The following AEBP2 variants were observed in gnomAD, a reference collection of about 807,000 sequenced individuals.
AEBP2 encodes zinc finger protein AEBP2.
Under a neutral mutation model 50.8 loss-of-function variants are expected in AEBP2, and 10 were observed. That is an observed-to-expected ratio of 0.20 (90% CI 0.12 to 0.33). The LOEUF (loss-of-function observed/expected upper bound fraction) is 0.33, where lower values mean the gene tolerates loss of function less well. AEBP2 is among the 10% of genes least tolerant of loss of function. AEBP2 has a pLI of 1.00. For synonymous variants in AEBP2, 296 were observed against 261.3 expected (o/e 1.13, Z -1.28); for missense variants, 570 against 688.0 (o/e 0.83, Z 1.92).
At chr12:19,473,611 G>A (rs1255207952) in intron 3 of AEBP2, among the ~76,000 whole-genome samples, 2 of 152,012 alleles carry the variant, frequency 1.3e-5, no homozygotes, top group Non-Finnish European at 2.9e-5. Context: ...TCACCATGTT[G>A]GCCAGGATGG....
intron 3 of AEBP2, among the ~76,000 whole-genome samples, chr12:19,481,475 T>A (rs1414545532): frequency 6.6e-6 from 1 of 151,248 alleles, no homozygotes; most frequent in Non-Finnish European, 1.5e-5. Context: ...TCTTTTCTTT[T>A]CTTTTTTTTT....
chr12:19,417,774 G>A (rs1474238399), intron 1 of AEBP2, among the ~76,000 whole-genome samples: 6 of 151,134 alleles, frequency 4.0e-5, no homozygotes, highest in African/African-American at 7.3e-5. Context: ...GCACGATCTC[G>A]GCTCACTGCA....
intron 1 of AEBP2, among the ~76,000 whole-genome samples, chr12:19,432,959 A>G (rs2095752196): frequency 6.6e-6 from 1 of 152,086 alleles, no homozygotes; most frequent in African/African-American, 2.4e-5. Flanking sequence ...ATGACTCCTA[A>G]TCAAATAGCC....
rs1947900417 is a variant in AEBP2, at chr12:19,439,526, T to G, written c.-174T>G. On this transcript the variant is annotated 5_prime_UTR_variant, in exon 1 of 8. Transcript: ENST00000266508. Reference sequence around the variant, plus strand: ...GTGAGTGCGCGTAGTCGCGCGCCTGTCCCCGCGCGGGCTCCGTAGCGCGTG... The same window carrying G: ...GTGAGTGCGCGTAGTCGCGCGCCTGGCCCCGCGCGGGCTCCGTAGCGCGTG... 9.6e-6 allele frequency: 8 copies of G among 830,194 alleles called. No homozygotes were observed. The South Asian group carries it at 1.3e-4, about 14-fold the overall frequency. The allele number at this position is 830,194 out of a possible 1,614,324, so 51.4% of individuals were successfully genotyped here.
chr12:19,514,080 A>C (rs1397504563), intron 6 of AEBP2, among the ~76,000 whole-genome samples: 4 of 151,162 alleles, frequency 2.6e-5, no homozygotes, highest in African/African-American at 9.7e-5. Flanking sequence ...GCTCACTGCA[A>C]CCTCTGTCTC....
intron 7 of AEBP2, among the ~76,000 whole-genome samples, chr12:19,515,166 A>T (rs949149141): frequency 1.6e-4 from 24 of 151,954 alleles, no homozygotes; most frequent in African/African-American, 5.6e-4. Flanking sequence ...TTTTTAGCTT[A>T]CCCTTTCTCC....
At chr12:19,510,285 A>C (rs12818807) in intron 5 of AEBP2, among the ~76,000 whole-genome samples, 15,571 of 152,248 alleles carry the variant, frequency 0.1, 804 homozygotes, top group Middle Eastern at 0.15. Flanking sequence ...GGTGTAATAC[A>C]TGCTAATGTA....
At chr12:19,434,112 T>G (rs1368213380) in intron 1 of AEBP2, among the ~76,000 whole-genome samples, 1 of 151,990 alleles carries the variant, frequency 6.6e-6, no homozygotes, top group Non-Finnish European at 1.5e-5. Context: ...CCCAAAGTGC[T>G]GGGATTATAG....
At position 19,485,904 on chromosome 12, in the gene AEBP2, A is replaced by G. The variant is rs192958586; in HGVS notation, c.988-7896A>G. On this transcript the variant is annotated intron_variant, in intron 3 of 7. Transcript: ENST00000266508. ...AGTAGAAGATGAGTGGCAGGTGACT[A>G]TAGAGAGAGGAAGTGATAAGGTGAT... Among the ~76,000 whole-genome samples, 5 of 149,342 alleles carry G rather than the reference A, an allele frequency of 3.3e-5. No individual in the cohort carries two copies. In the East Asian group the frequency reaches 6.0e-4, roughly 18 times the overall value.
intron 1 of AEBP2, among the ~76,000 whole-genome samples, chr12:19,453,428 C>CT (rs1275042466): frequency 1.3e-5 from 2 of 149,374 alleles, no homozygotes; most frequent in Non-Finnish European, 1.5e-5. Context: ...TATATACTTT[C>CT]TTTTTTTTTG....
At chr12:19,503,866 C>A (rs1473438465) in intron 5 of AEBP2, among the ~76,000 whole-genome samples, 1 of 152,042 alleles carries the variant, frequency 6.6e-6, no homozygotes, top group African/African-American at 2.4e-5. Context: ...GGGTCTTACT[C>A]TGTCATCCAG....
intron 1 of AEBP2, among the ~76,000 whole-genome samples, chr12:19,419,744 A>G (rs1277593198): frequency 6.6e-6 from 1 of 152,088 alleles, no homozygotes; most frequent in East Asian, 1.9e-4. Context: ...AGACTGGCCA[A>G]CATGGCGAAA....
intron 3 of AEBP2, 123 bp from the exon 4 acceptor site, chr12:19,493,677 T>G: frequency 1.1e-6 from 1 of 932,190 alleles, no homozygotes; most frequent in Non-Finnish European, 1.6e-6. Context: ...TATGCTTCCT[T>G]TCTGGAATTA....
Position 19,439,689 on chromosome 12 carries a change from C to T in AEBP2, c.-11C>T, listed in dbSNP as rs1243634608. The T allele has an allele frequency of 7.0e-7, 1 of 1,438,130 alleles. No individual in the cohort carries two copies. The highest frequency in any genetic ancestry group is 2.2e-5 in the Admixed American group (1 of 45,220). 89.1% of individuals were successfully genotyped at this position (1,438,130 alleles called of 1,614,324 possible). On this transcript the variant is annotated 5_prime_UTR_variant, in exon 1 of 8. Coordinates refer to ENST00000266508, the MANE Select transcript of AEBP2 (RefSeq NM_153207.5). Reference sequence around the variant, plus strand: ...TGGGGAGGAGGAGGAGGAGGAGGAGCAGGCGCCGCCATGGCCGCCGCTATC... The same window carrying T: ...TGGGGAGGAGGAGGAGGAGGAGGAGTAGGCGCCGCCATGGCCGCCGCTATC...
At chr12:19,515,343 C>G (rs758925812) in intron 7 of AEBP2, among the ~76,000 whole-genome samples, 12 of 152,102 alleles carry the variant, frequency 7.9e-5, no homozygotes, top group Admixed American at 2.6e-4. Flanking sequence ...TGTGCTGAGT[C>G]ACTTTGCTAG....
chr12:19,482,688 A>C (rs1948747903), intron 3 of AEBP2, among the ~76,000 whole-genome samples: 1 of 152,140 alleles, frequency 6.6e-6, no homozygotes, highest in Non-Finnish European at 1.5e-5. Context: ...GGGCAGGTAG[A>C]GAAATACCAT....
intron 5 of AEBP2, chr12:19,508,861 C>T: frequency 4.8e-6 from 1 of 209,658 alleles, no homozygotes; most frequent in Non-Finnish European, 1.0e-5. Flanking sequence ...ATTTCAAAGG[C>T]TTTCTTCTTC....
intron 1 of AEBP2, among the ~76,000 whole-genome samples, chr12:19,407,872 A>G (rs2153362882): frequency 6.6e-6 from 1 of 152,002 alleles, no homozygotes; most frequent in East Asian, 2.0e-4. Flanking sequence ...AACATGGAGA[A>G]ACTCCGTCTC....
At chr12:19,413,611 A>G (rs535269079) in intron 1 of AEBP2, 235 of 578,800 alleles carry the variant, frequency 4.1e-4, no homozygotes, top group Non-Finnish European at 6.6e-4. Flanking sequence ...AAGAATGGCT[A>G]TTCCATAGAC....
Sources: allele counts gnomAD v4.1 joint callset (sites outside exome capture counted in the v4.1 genomes callset), GRCh38; gene constraint gnomAD v4.1.1; transcripts MANE v1.5; gene names NCBI Gene and HGNC (gene_info 2026-07-23, HGNC 2026-07-21).